The following RNFT2 variants were observed in gnomAD, a reference collection of about 807,000 sequenced individuals.
The protein encoded by RNFT2 is E3 ubiquitin-protein ligase RNFT2.
A neutral mutation model predicts 53.0 loss-of-function variants in RNFT2; 36 were observed. That is an observed-to-expected ratio of 0.68 (90% CI 0.52 to 0.90). RNFT2 has a LOEUF of 0.90. RNFT2 is among the 40% of genes least tolerant of loss of function. The pLI is 0.00. For missense variants in RNFT2, 514 were observed against 585.6 expected, an observed-to-expected ratio of 0.88 and a Z score of 1.26; for synonymous variants, 260 against 253.2, an observed-to-expected ratio of 1.03 and a Z score of -0.26.
intron 10 of RNFT2, among the ~76,000 whole-genome samples, chr12:116,841,796 T>A (rs1163130582): frequency 1.1e-5 from 1 of 92,226 alleles, no homozygotes; most frequent in African/African-American, 4.9e-5. Context: ...TATATATAAA[T>A]ATATATATAA....
At chr12:116,845,384 A>G (rs1267354251) in intron 10 of RNFT2, among the ~76,000 whole-genome samples, 3 of 152,094 alleles carry the variant, frequency 2.0e-5, no homozygotes, top group East Asian at 3.9e-4. Flanking sequence ...AGAATGGCAT[A>G]GGAGAGAAGA....
At chr12:116,767,894 C>T (rs569275055) in intron 6 of RNFT2, among the ~76,000 whole-genome samples, 54 of 151,964 alleles carry the variant, frequency 3.6e-4, no homozygotes, top group African/African-American at 1.1e-3. Flanking sequence ...TCTTTTTTCA[C>T]GTTAACTCTT....
chr12:116,830,246 G>T (rs1876570207), intron 7 of RNFT2, among the ~76,000 whole-genome samples: 1 of 152,034 alleles, frequency 6.6e-6, no homozygotes, highest in Non-Finnish European at 1.5e-5. Context: ...TTCACATTTT[G>T]CCAGTTGCCC....
At chr12:116,812,501 CA>C (rs1377493163) in intron 7 of RNFT2, among the ~76,000 whole-genome samples, 2 of 151,576 alleles carry the variant, frequency 1.3e-5, no homozygotes, top group Non-Finnish European at 2.9e-5. Context: ...GAGATCTCTG[CA>C]GCCAGCCTTC....
At chr12:116,829,151 G>T (rs556056131) in intron 7 of RNFT2, among the ~76,000 whole-genome samples, 1 of 152,218 alleles carries the variant, frequency 6.6e-6, no homozygotes, top group South Asian at 2.1e-4. Flanking sequence ...GCTGAGGGTG[G>T]GTGGTTCAGG....
chr12:116,799,912 G>A (rs575509649), intron 7 of RNFT2, among the ~76,000 whole-genome samples: 1 of 152,340 alleles, frequency 6.6e-6, no homozygotes, highest in Admixed American at 6.5e-5. Flanking sequence ...GTGGCGCTTA[G>A]TAGGAGTTGT....
intron 7 of RNFT2, among the ~76,000 whole-genome samples, chr12:116,816,209 G>T (rs889285766): frequency 1.3e-5 from 2 of 152,208 alleles, no homozygotes; most frequent in African/African-American, 4.8e-5. Context: ...CTGGGGAGCA[G>T]GGCCCTGTGT....
intron 7 of RNFT2, among the ~76,000 whole-genome samples, chr12:116,803,608 C>T (rs1280941222): frequency 6.6e-6 from 1 of 152,212 alleles, no homozygotes; most frequent in Admixed American, 6.5e-5. Flanking sequence ...ACCCAACATT[C>T]TTTTCAGCTC....
At chr12:116,770,067 A>G (rs1277902015) in intron 6 of RNFT2, among the ~76,000 whole-genome samples, 1 of 152,146 alleles carries the variant, frequency 6.6e-6, no homozygotes, top group Non-Finnish European at 1.5e-5. Flanking sequence ...TGTAGCCTAC[A>G]TGTACAGTGT....
intron 7 of RNFT2, among the ~76,000 whole-genome samples, chr12:116,822,654 A>G (rs1272681556): frequency 6.6e-6 from 1 of 152,220 alleles, no homozygotes; most frequent in Non-Finnish European, 1.5e-5. Context: ...AATGAAACTT[A>G]CACACAAGAA....
At chr12:116,832,835 G>A (rs968394451) in intron 7 of RNFT2, among the ~76,000 whole-genome samples, 26 of 151,712 alleles carry the variant, frequency 1.7e-4, no homozygotes, top group African/African-American at 5.1e-4. Context: ...GGAAACTAAG[G>A]GTCATGAACA....
At chr12:116,782,079 C>CAAACAAAAAAAAAAAAAAAAAAAAAAA (rs1566079526) in intron 7 of RNFT2, 2 of 34,348 alleles carry the variant, frequency 5.8e-5, no homozygotes, top group Non-Finnish European at 1.1e-4. Context: ...ACTCCGTCTC[C>CAAACAAAAAAAAAAAAAAAAAAAAAAA]AAAAAAAAAA....
At chr12:116,806,853 C>A (rs964055531) in intron 7 of RNFT2, among the ~76,000 whole-genome samples, 1 of 151,860 alleles carries the variant, frequency 6.6e-6, no homozygotes, top group African/African-American at 2.4e-5. Context: ...TTAATCCTTA[C>A]ATTCAGTGAA....
At chr12:116,751,560 C>T (rs755829392) in intron 4 of RNFT2, among the ~76,000 whole-genome samples, 3 of 151,968 alleles carry the variant, frequency 2.0e-5, no homozygotes, top group Non-Finnish European at 4.4e-5. Flanking sequence ...ACCGCCACCA[C>T]ACCCAGCTAA....
intron 7 of RNFT2, among the ~76,000 whole-genome samples, chr12:116,801,794 G>A (rs889608191): frequency 6.7e-6 from 1 of 148,638 alleles, no homozygotes; most frequent in African/African-American, 2.6e-5. Flanking sequence ...TTTGTTTTCT[G>A]TGGGGTTTTT....
chr12:116,757,004 C>T (rs1332505747), intron 5 of RNFT2, among the ~76,000 whole-genome samples: 2 of 152,002 alleles, frequency 1.3e-5, no homozygotes, highest in African/African-American at 2.4e-5. Flanking sequence ...AATCTCGCTG[C>T]TTGTTATTGG....
intron 7 of RNFT2, among the ~76,000 whole-genome samples, chr12:116,806,237 G>A (rs139756940): frequency 0.014 from 2,101 of 151,888 alleles, 54 homozygotes; most frequent in African/African-American, 0.048. Context: ...AGGCATGGTG[G>A]TGCATGCCTG....
intron 7 of RNFT2, among the ~76,000 whole-genome samples, chr12:116,816,263 C>G (rs1317760980): frequency 2.0e-5 from 3 of 152,166 alleles, no homozygotes; most frequent in African/African-American, 7.2e-5. Flanking sequence ...GTGCGCTGGG[C>G]CCTTCCTGTT....
At chr12:116,769,275 T>C (rs904925372) in intron 6 of RNFT2, among the ~76,000 whole-genome samples, 1 of 152,102 alleles carries the variant, frequency 6.6e-6, no homozygotes, top group Non-Finnish European at 1.5e-5. Context: ...AGAGAATTGC[T>C]TGGACCCGGG....
Sources: allele counts gnomAD v4.1 joint callset (sites outside exome capture counted in the v4.1 genomes callset), GRCh38; gene constraint gnomAD v4.1.1; transcripts MANE v1.5; gene names NCBI Gene and HGNC (gene_info 2026-07-23, HGNC 2026-07-21).